Variants in CNR2 observed in about 807,000 individuals in gnomAD.
The protein encoded by CNR2 is cannabinoid receptor 2 (macrophage).
For synonymous variants in CNR2, 172 were observed against 182.2 expected, an observed-to-expected ratio of 0.94 and a Z score of 0.45; for missense variants, 379 against 439.9, an observed-to-expected ratio of 0.86 and a Z score of 1.24.
At chr1:23,910,982 G>A (rs1640574257) in intron 1 of CNR2, among the ~76,000 whole-genome samples, 2 of 152,220 alleles carry the variant, frequency 1.3e-5, no homozygotes, top group African/African-American at 4.8e-5. Context: ...GCTGAGTCTT[G>A]GTTTTTCTCA....
At chr1:23,903,854 A>G (rs550131353) in intron 1 of CNR2, among the ~76,000 whole-genome samples, 6 of 152,322 alleles carry the variant, frequency 3.9e-5, no homozygotes, top group Non-Finnish European at 8.8e-5. Flanking sequence ...AGGCGCAAAG[A>G]TGCAGTGACT....
At chr1:23,881,497 G>T (rs1177443856) in intron 1 of CNR2, among the ~76,000 whole-genome samples, 1 of 151,738 alleles carries the variant, frequency 6.6e-6, no homozygotes, top group African/African-American at 2.4e-5. Flanking sequence ...GGTGGTTGAG[G>T]CAGGAGAATC....
At chr1:23,910,654 C>CAAAAAAAAAAAAAA (rs34083515) in intron 1 of CNR2, among the ~76,000 whole-genome samples, 5 of 32,180 alleles carry the variant, frequency 1.6e-4, no homozygotes, top group Non-Finnish European at 1.9e-4. Flanking sequence ...AACGCTGTCT[C>CAAAAAAAAAAAAAA]AAAAAAAAAA....
intron 1 of CNR2, among the ~76,000 whole-genome samples, chr1:23,898,427 C>T (rs1332439141): frequency 2.7e-5 from 4 of 145,892 alleles, no homozygotes; most frequent in South Asian, 2.2e-4. Context: ...CTGCAAGCTC[C>T]GCCTTCCAGG....
At chr1:23,909,766 C>T (rs1322581219) in intron 1 of CNR2, among the ~76,000 whole-genome samples, 1 of 152,084 alleles carries the variant, frequency 6.6e-6, no homozygotes. Context: ...CGCAGCCTGG[C>T]GAGCGACACA....
chr1:23,908,067 G>A (rs1018275753), intron 1 of CNR2, among the ~76,000 whole-genome samples: 6 of 124,384 alleles, frequency 4.8e-5, no homozygotes, highest in African/African-American at 1.5e-4. Flanking sequence ...TGCAACCTCC[G>A]GCTCTCTGGT....
intron 1 of CNR2, chr1:23,901,734 C>G: frequency 3.5e-6 from 5 of 1,419,946 alleles, no homozygotes; most frequent in Non-Finnish European, 5.0e-6. Context: ...AGATTCTGAG[C>G]CAGAACTACC....
intron 1 of CNR2, among the ~76,000 whole-genome samples, chr1:23,893,241 C>T (rs1405182559): frequency 1.3e-5 from 2 of 152,160 alleles, no homozygotes; most frequent in Non-Finnish European, 2.9e-5. Flanking sequence ...CTTTCCTGGA[C>T]CTTCCTTCTG....
At chr1:23,875,787 C>A in intron 1 of CNR2, 125 bp from the exon 2 acceptor site, 1 of 818,770 alleles carries the variant, frequency 1.2e-6, no homozygotes, top group South Asian at 2.2e-5. Context: ...AAATCAGTTT[C>A]TGTTTTGTTT....
chr1:23,886,678 A>G (rs1481257575), intron 1 of CNR2, among the ~76,000 whole-genome samples: 1 of 152,168 alleles, frequency 6.6e-6, no homozygotes, highest in Non-Finnish European at 1.5e-5. Flanking sequence ...CTCTAGGAAC[A>G]GATTGAAAAA....
intron 1 of CNR2, among the ~76,000 whole-genome samples, chr1:23,907,453 C>A (rs576233105): frequency 6.7e-6 from 1 of 149,710 alleles, no homozygotes; most frequent in South Asian, 2.1e-4. Flanking sequence ...AATCTTGAAG[C>A]AAATCTGCAG....
chr1:23,886,906 T>G (rs546972626), intron 1 of CNR2, among the ~76,000 whole-genome samples: 215 of 151,996 alleles, frequency 1.4e-3, no homozygotes, highest in African/African-American at 4.9e-3. Context: ...GTTTTTTTTG[T>G]TTTTTATTTT....
intron 1 of CNR2, among the ~76,000 whole-genome samples, chr1:23,879,716 A>T (rs989299844): frequency 6.6e-6 from 1 of 152,156 alleles, no homozygotes; most frequent in African/African-American, 2.4e-5. Context: ...GTGGGTAAAG[A>T]CATTGATTAA....
At chr1:23,880,269 C>A (rs1639957165) in intron 1 of CNR2, among the ~76,000 whole-genome samples, 1 of 151,686 alleles carries the variant, frequency 6.6e-6, no homozygotes, top group Non-Finnish European at 1.5e-5. Context: ...CCTCCGCCTC[C>A]CAGGTTGAAG....
chr1:23,879,015 G>A (rs1445606644), intron 1 of CNR2, among the ~76,000 whole-genome samples: 1 of 152,192 alleles, frequency 6.6e-6, no homozygotes, highest in African/African-American at 2.4e-5. Flanking sequence ...CCAAAGGGAA[G>A]AAAAGAACGG....
intron 1 of CNR2, among the ~76,000 whole-genome samples, chr1:23,894,773 A>AAG (rs1553141673): frequency 2.0e-5 from 3 of 148,738 alleles, no homozygotes; most frequent in East Asian, 3.9e-4. Context: ...CTCAAAAAAA[A>AAG]AAAGAAAGAA....
At chr1:23,911,312 T>C (rs1640579459) in intron 1 of CNR2, among the ~76,000 whole-genome samples, 1 of 152,054 alleles carries the variant, frequency 6.6e-6, no homozygotes, top group Non-Finnish European at 1.5e-5. Flanking sequence ...CTGGGTGATA[T>C]ATCCTGGATG....
rs578094755 is a variant in CNR2, at chr1:23,898,683, C to T, written c.-46+14563G>A. On this transcript the variant is annotated intron_variant, in intron 1 of 1. Coordinates refer to ENST00000374472, the MANE Select transcript of CNR2 (RefSeq NM_001841.3). ...TTTTTTTTTTTTTGAGACAAAGTCTCACTCTGCTGCCCAGGCTGGAGTGCA... is the reference window on the plus strand; with the variant it reads ...TTTTTTTTTTTTTGAGACAAAGTCTTACTCTGCTGCCCAGGCTGGAGTGCA... 2.4e-3 allele frequency among the ~76,000 whole-genome samples: 258 copies of T among 109,172 alleles called. 1 individual carries two copies. The highest frequency in any genetic ancestry group is 9.1e-3 in the African/African-American group (250 of 27,602). The allele number at this position is 109,172 out of a possible 152,430, so 71.6% of individuals were successfully genotyped here.
intron 1 of CNR2, among the ~76,000 whole-genome samples, chr1:23,898,058 ACT>A (rs1640313879): frequency 6.6e-6 from 1 of 151,526 alleles, no homozygotes; most frequent in South Asian, 2.1e-4. Context: ...ATGGAGTCTC[ACT>A]CTGTCACCCA....
Sources: gnomAD v4.1 joint callset for allele counts (sites outside exome capture counted in the v4.1 genomes callset) on GRCh38, gnomAD v4.1.1 for gene constraint, MANE v1.5 for transcripts, NCBI Gene and HGNC (gene_info 2026-07-23, HGNC 2026-07-21) for gene names.